MAGI2: variants seen among roughly 807,000 people sequenced by gnomAD.
MAGI2 encodes membrane associated guanylate kinase, WW and PDZ domain containing 2.
MAGI2 carries 35 observed loss-of-function variants against 133.3 expected under a neutral mutation model. The observed-to-expected ratio is 0.26, with a 90% CI of 0.20 to 0.35. The LOEUF is 0.35. MAGI2 is among the 10% of genes least tolerant of loss of function. The probability of loss-of-function intolerance (pLI) is 1.00; values close to 1 mark genes in which losing one functional copy is unlikely to be tolerated. For synonymous variants in MAGI2, 729 were observed against 710.6 expected, an observed-to-expected ratio of 1.03 and a Z score of -0.41; for missense variants, 1,636 against 1,863.4, an observed-to-expected ratio of 0.88 and a Z score of 2.25.
chr7:79,423,107 T>C (rs1470800816), intron 1 of MAGI2, among the ~76,000 whole-genome samples: 5 of 152,174 alleles, frequency 3.3e-5, no homozygotes, highest in African/African-American at 1.2e-4. Context: ...CATAATGTCT[T>C]CTAACATTAT....
At chr7:78,296,260 T>TAAAC (rs1797227412) in intron 9 of MAGI2, among the ~76,000 whole-genome samples, 1 of 152,192 alleles carries the variant, frequency 6.6e-6, no homozygotes, top group Non-Finnish European at 1.5e-5. Context: ...AGGTCCTACA[T>TAAAC]AAACAGAGGC....
In MAGI2 at chr7:78,765,266, A is replaced by G. The variant is rs11972084; in HGVS notation, c.419-138027T>C. 7.8e-3 allele frequency among the ~76,000 whole-genome samples: 1,163 copies of G among 149,058 alleles called. 8 individuals carry two copies. The highest frequency in any genetic ancestry group is 0.027 in the African/African-American group (1,105 of 40,494). On this transcript the variant is annotated intron_variant, in intron 2 of 21. Transcript: ENST00000354212. ...TTTGTTGAGCCAGGCTAGTTACACT[A>G]TCTTTTCCCACTATATTGCTGCCTT...
intron 20 of MAGI2, among the ~76,000 whole-genome samples, chr7:78,092,456 A>C (rs1276937247): frequency 6.6e-6 from 1 of 152,248 alleles, no homozygotes; most frequent in African/African-American, 2.4e-5. Flanking sequence ...CTAGGAATGT[A>C]GCCGAGTGTC....
intron 2 of MAGI2, among the ~76,000 whole-genome samples, chr7:78,853,332 C>CTTTTTCGTTCT (rs1793313242): frequency 4.0e-5 from 1 of 25,052 alleles, no homozygotes; most frequent in African/African-American, 1.7e-4. Context: ...TCCATTCGTT[C>CTTTTTCGTTCT]TTTTTTTTTT....
chr7:78,311,773 CTT>C (rs11332610), intron 9 of MAGI2, among the ~76,000 whole-genome samples: 49 of 138,812 alleles, frequency 3.5e-4, no homozygotes, highest in South Asian at 4.7e-4. Flanking sequence ...TTCACAAATT[CTT>C]TTTTTTTTTT....
chr7:78,314,804 G>A (rs956914797), intron 9 of MAGI2, among the ~76,000 whole-genome samples: 1 of 152,154 alleles, frequency 6.6e-6, no homozygotes, highest in Non-Finnish European at 1.5e-5. Context: ...ATATTCATGA[G>A]AAGTTATAAA....
chr7:78,480,448 G>A (rs1315960722), intron 6 of MAGI2, among the ~76,000 whole-genome samples: 1 of 151,248 alleles, frequency 6.6e-6, no homozygotes, highest in East Asian at 1.9e-4. Context: ...AAAAGACATA[G>A]ACACAAAACA....
At chr7:79,271,766 G>A (rs915983579) in intron 1 of MAGI2, among the ~76,000 whole-genome samples, 2 of 150,322 alleles carry the variant, frequency 1.3e-5, no homozygotes, top group African/African-American at 4.9e-5. Flanking sequence ...TGAGAAACCA[G>A]ATTTTATATT....
chr7:79,025,529 G>T (rs951440572), intron 1 of MAGI2, among the ~76,000 whole-genome samples: 7 of 152,164 alleles, frequency 4.6e-5, no homozygotes, highest in Non-Finnish European at 7.4e-5. Flanking sequence ...AATAGAATGT[G>T]TGTTTGTGTG....
intron 3 of MAGI2, among the ~76,000 whole-genome samples, chr7:78,563,168 C>T (rs1800588944): frequency 6.6e-6 from 1 of 152,038 alleles, no homozygotes; most frequent in South Asian, 2.1e-4. Context: ...TATTAAAGTC[C>T]TAATGTCCTG....
At chr7:79,013,722 C>G (rs1456998734) in intron 1 of MAGI2, among the ~76,000 whole-genome samples, 1 of 152,108 alleles carries the variant, frequency 6.6e-6, no homozygotes, top group Non-Finnish European at 1.5e-5. Context: ...AGGCCCATCT[C>G]ATTTTCAGGT....
intron 1 of MAGI2, among the ~76,000 whole-genome samples, chr7:79,219,612 T>C (rs966606104): frequency 6.6e-6 from 1 of 152,030 alleles, no homozygotes; most frequent in Non-Finnish European, 1.5e-5. Context: ...AATAAAGACA[T>C]TTACCTTTTA....
chr7:78,548,513 G>A (rs918546123), intron 3 of MAGI2, among the ~76,000 whole-genome samples: 1 of 152,044 alleles, frequency 6.6e-6, no homozygotes, highest in African/African-American at 2.4e-5. Flanking sequence ...TGGCCAACAT[G>A]GTGAAACCCC....
intron 20 of MAGI2, among the ~76,000 whole-genome samples, chr7:78,085,001 T>G (rs1032333767): frequency 6.6e-6 from 1 of 152,202 alleles, no homozygotes; most frequent in Non-Finnish European, 1.5e-5. Context: ...GGGTTCCAAG[T>G]GCCTATTACA....
chr7:79,411,148 C>T (rs902668306), intron 1 of MAGI2: 2 of 152,126 alleles, frequency 1.3e-5, no homozygotes, highest in Non-Finnish European at 2.9e-5. Flanking sequence ...TATCCTCAAC[C>T]ACCTGTCATC....
At position 78,534,944 on chromosome 7, in the gene MAGI2, C is replaced by T. The variant is rs529823275; in HGVS notation, c.539-13299G>A. 4.6e-5 allele frequency among the ~76,000 whole-genome samples: 7 copies of T among 152,128 alleles called. No individual in the cohort carries two copies. The South Asian group carries it at 1.5e-3, about 32-fold the overall frequency. On this transcript the variant is annotated intron_variant, in intron 3 of 21. Coordinates refer to ENST00000354212, the MANE Select transcript of MAGI2 (RefSeq NM_012301.4). ...GGTCAGGAGTTCAAGACCAGCCTGG[C>T]CAAGATGGTGAAACCCCGTCTCTAC... is the stretch of plus-strand genomic sequence containing the variant.
chr7:78,641,724 C>A lies in MAGI2; in HGVS notation c.419-14485G>T, dbSNP rs539933013. Among the ~76,000 whole-genome samples the A allele has an allele frequency of 1.5e-3, 225 of 152,046 alleles. 1 individual carries two copies. Among genetic ancestry groups the A allele is most frequent in the African/African-American group, 5.2e-3 (216 of 41,446 alleles). On this transcript the variant is annotated intron_variant, in intron 2 of 21. Coordinates refer to ENST00000354212, the MANE Select transcript of MAGI2 (RefSeq NM_012301.4). Reference sequence around the variant, plus strand: ...TTTTAAACTTCTTCAAAACAACCAACCAGGTAGCTTTCTAATACACAGAAA... The same window carrying A: ...TTTTAAACTTCTTCAAAACAACCAAACAGGTAGCTTTCTAATACACAGAAA...
intron 6 of MAGI2, among the ~76,000 whole-genome samples, chr7:78,450,942 G>A (rs1746988129): frequency 6.6e-6 from 1 of 151,886 alleles, no homozygotes; most frequent in Non-Finnish European, 1.5e-5. Flanking sequence ...GATACATGTT[G>A]TAATAGCGAT....
At chr7:79,098,802 T>C (rs1286679152) in intron 1 of MAGI2, among the ~76,000 whole-genome samples, 3 of 152,168 alleles carry the variant, frequency 2.0e-5, no homozygotes, top group Non-Finnish European at 4.4e-5. Context: ...ATGAAATAAA[T>C]GGACCCATAA....
Sources: gnomAD v4.1 joint callset for allele counts (sites outside exome capture counted in the v4.1 genomes callset) on GRCh38, gnomAD v4.1.1 for gene constraint, MANE v1.5 for transcripts, NCBI Gene and HGNC (gene_info 2026-07-23, HGNC 2026-07-21) for gene names.